Variants in MTPN observed in about 807,000 individuals in gnomAD.
The protein encoded by MTPN is myotrophin.
MTPN carries 2 observed loss-of-function variants against 13.5 expected under a neutral mutation model. That is an observed-to-expected ratio of 0.15 (90% CI 0.06 to 0.47). MTPN has a LOEUF of 0.47. MTPN is among the 20% of genes least tolerant of loss of function. The pLI is 0.97. For missense variants in MTPN, 79 were observed against 137.9 expected (o/e 0.57, Z 2.14); for synonymous variants, 46 against 51.7 (o/e 0.89, Z 0.48).
At chr7:135,937,400 C>A (rs1038172374) in intron 3 of MTPN, among the ~76,000 whole-genome samples, 1 of 148,756 alleles carries the variant, frequency 6.7e-6, no homozygotes, top group Admixed American at 6.6e-5. Flanking sequence ...CACACACACA[C>A]AAAACCTCTC....
At chr7:135,956,684 C>T (rs1003021626) in intron 1 of MTPN, among the ~76,000 whole-genome samples, 5 of 149,374 alleles carry the variant, frequency 3.3e-5, no homozygotes, top group Admixed American at 1.3e-4. Flanking sequence ...TTCTGTATAT[C>T]GTCCCTTCTT....
intron 1 of MTPN, among the ~76,000 whole-genome samples, chr7:135,962,724 T>C (rs1799544158): frequency 6.6e-6 from 1 of 152,044 alleles, no homozygotes; most frequent in Admixed American, 6.6e-5. Context: ...CTCCACAGTG[T>C]GGCTTGGTGG....
chr7:135,948,219 A>G (rs34688769), intron 3 of MTPN, among the ~76,000 whole-genome samples: 2,459 of 152,344 alleles, frequency 0.016, 33 homozygotes, highest in African/African-American at 0.037. Context: ...CTGCCTAACA[A>G]AACTACAGGG....
intron 3 of MTPN, among the ~76,000 whole-genome samples, chr7:135,933,133 T>C (rs1336242354): frequency 5.3e-5 from 8 of 150,344 alleles, no homozygotes; most frequent in Non-Finnish European, 8.9e-5. Flanking sequence ...GATGAACCAG[T>C]TTTGAAGTAA....
intron 1 of MTPN, among the ~76,000 whole-genome samples, chr7:135,970,663 A>G (rs1215217210): frequency 2.0e-5 from 3 of 152,180 alleles, no homozygotes; most frequent in African/African-American, 7.2e-5. Context: ...TAAAAGGAAA[A>G]TGTTTAGAAT....
chr7:135,971,509 T>C (rs1204369692), intron 1 of MTPN, among the ~76,000 whole-genome samples: 1 of 152,182 alleles, frequency 6.6e-6, no homozygotes, highest in East Asian at 1.9e-4. Context: ...TATGCTGAAG[T>C]AGTTAACAGC....
In MTPN at chr7:135,954,899, C is replaced by T. The variant is rs182003079; in HGVS notation, c.73-3269G>A. ...CAGAGCTTGCAGTAAGCCGAGATTG[C>T]GCCACTGCACTCCAGCCTGGGTGAC... On this transcript the variant is annotated intron_variant, in intron 1 of 3. Coordinates refer to ENST00000393085, the MANE Select transcript of MTPN (RefSeq NM_145808.4). 1.1e-3 allele frequency among the ~76,000 whole-genome samples: 161 copies of T among 152,232 alleles called. 1 individual carries two copies. Among genetic ancestry groups the T allele is most frequent in the Non-Finnish European group, 8.5e-4 (58 of 68,028 alleles).
chr7:135,969,530 G>A (rs571487904), intron 1 of MTPN, among the ~76,000 whole-genome samples: 35 of 148,188 alleles, frequency 2.4e-4, no homozygotes, highest in African/African-American at 8.4e-4. Context: ...CAAAAAAAAA[G>A]TATACACTTA....
At chr7:135,932,441 A>G (rs1406280701) in intron 3 of MTPN, 2 of 152,022 alleles carry the variant, frequency 1.3e-5, no homozygotes, top group African/African-American at 4.8e-5. Flanking sequence ...GCTATTTGCA[A>G]CCAGAAGTAT....
At chr7:135,932,017 A>C (rs1342154443) in intron 3 of MTPN, among the ~76,000 whole-genome samples, 1 of 152,138 alleles carries the variant, frequency 6.6e-6, no homozygotes, top group African/African-American at 2.4e-5. Context: ...GTGAACAGTA[A>C]GTTGTTCACA....
chr7:135,953,860 C>T (rs1291248045), intron 1 of MTPN, among the ~76,000 whole-genome samples: 6 of 152,020 alleles, frequency 3.9e-5, no homozygotes, highest in Admixed American at 3.9e-4. Context: ...TAATTCAAAG[C>T]AATAATTTCT....
intron 3 of MTPN, among the ~76,000 whole-genome samples, chr7:135,934,846 C>G (rs1799089278): frequency 6.6e-6 from 1 of 152,198 alleles, no homozygotes; most frequent in Non-Finnish European, 1.5e-5. Context: ...CCTTTACTTT[C>G]TCTGGCTGTC....
intron 3 of MTPN, among the ~76,000 whole-genome samples, chr7:135,938,849 C>G (rs1337677918): frequency 1.3e-5 from 2 of 152,128 alleles, no homozygotes; most frequent in Admixed American, 1.3e-4. Flanking sequence ...CAACAGACCC[C>G]CGAGGGTTGG....
intron 1 of MTPN, among the ~76,000 whole-genome samples, chr7:135,960,348 T>C (rs1026366165): frequency 2.0e-5 from 3 of 152,112 alleles, no homozygotes; most frequent in Non-Finnish European, 4.4e-5. Flanking sequence ...CATGATTTCA[T>C]GTTTTTTTAA....
At chr7:135,969,751 A>T (rs1270187724) in intron 1 of MTPN, among the ~76,000 whole-genome samples, 1 of 152,176 alleles carries the variant, frequency 6.6e-6, no homozygotes, top group Non-Finnish European at 1.5e-5. Flanking sequence ...TAAGAAAATA[A>T]ATGAAGTCAA....
chr7:135,974,022 C>A (rs994173888), intron 1 of MTPN, among the ~76,000 whole-genome samples: 2 of 152,120 alleles, frequency 1.3e-5, no homozygotes, highest in Non-Finnish European at 2.9e-5. Context: ...ATGTAATAAT[C>A]TAAATTTTTC....
chr7:135,967,492 A>T (rs1799623419), intron 1 of MTPN, among the ~76,000 whole-genome samples: 1 of 152,168 alleles, frequency 6.6e-6, no homozygotes, highest in African/African-American at 2.4e-5. Context: ...ACCAACCCTC[A>T]TCCAAGTTCA....
intron 1 of MTPN, among the ~76,000 whole-genome samples, chr7:135,965,067 C>G (rs1255757000): frequency 1.3e-5 from 2 of 152,030 alleles, no homozygotes; most frequent in Non-Finnish European, 2.9e-5. Flanking sequence ...CTGCCAAGGC[C>G]TAAAATATTT....
intron 3 of MTPN, among the ~76,000 whole-genome samples, chr7:135,943,001 G>A (rs1308834119): frequency 6.6e-6 from 1 of 152,190 alleles, no homozygotes; most frequent in East Asian, 1.9e-4. Context: ...AGTTATTTAT[G>A]GGGTAAATCT....
Sources: gnomAD v4.1 joint callset for allele counts (sites outside exome capture counted in the v4.1 genomes callset) on GRCh38, gnomAD v4.1.1 for gene constraint, MANE v1.5 for transcripts, NCBI Gene and HGNC (gene_info 2026-07-23, HGNC 2026-07-21) for gene names.